The following KEL variants were observed in gnomAD, a reference collection of about 807,000 sequenced individuals.
KEL encodes kell blood group glycoprotein.
Under a neutral mutation model 99.5 loss-of-function variants are expected in KEL, and 96 were observed. The observed-to-expected ratio is 0.97, with a 90% CI of 0.82 to 1.14. The LOEUF (loss-of-function observed/expected upper bound fraction) is 1.14, where lower values mean the gene tolerates loss of function less well. Ranked by LOEUF, KEL falls within the 50% of genes most tolerant of loss-of-function variation. KEL has a pLI of 0.00. For synonymous variants in KEL, 355 were observed against 354.8 expected (o/e 1.00, Z -0.01); for missense variants, 926 against 924.2 (o/e 1.00, Z -0.03).
At chr7:142,960,259 A>G (rs560412421) in intron 4 of KEL, among the ~76,000 whole-genome samples, 2 of 152,092 alleles carry the variant, frequency 1.3e-5, no homozygotes, top group Non-Finnish European at 2.9e-5. Flanking sequence ...TACCCCTTTC[A>G]TTCCACCATC....
At position 142,941,161 on chromosome 7, in the gene KEL, A is replaced by G; in HGVS notation, c.*91T>C. On this transcript the variant is annotated 3_prime_UTR_variant, in exon 19 of 19. Transcript: ENST00000355265. ...GTGCCAGCTTTTATTTTTGGAACAGAAGCAGAAAGGAAATCTTGCTCTGAT... is the reference window on the plus strand; with the variant it reads ...GTGCCAGCTTTTATTTTTGGAACAGGAGCAGAAAGGAAATCTTGCTCTGAT... The G allele has an allele frequency of 7.0e-7, 1 of 1,425,866 alleles. No individual in the cohort carries two copies. The highest frequency in any genetic ancestry group is 1.2e-5 in the South Asian group (1 of 86,748). 88.3% of individuals were successfully genotyped at this position (1,425,866 alleles called of 1,614,324 possible). A position where few individuals can be genotyped will look rare whatever the true frequency, so the allele number is the denominator to read the frequency against.
chr7:142,946,463 A>G, intron 10 of KEL, 146 bp from the exon 11 acceptor site: 1 of 701,764 alleles, frequency 1.4e-6, no homozygotes, highest in East Asian at 2.7e-5. Context: ...CCTTAGGGTG[A>G]TGCACATCAC....
In KEL at chr7:142,941,425, G is replaced by C. The variant is rs764414070; in HGVS notation, c.2038-12C>G. 7.6e-6 allele frequency: 12 copies of C among 1,578,368 alleles called. No homozygotes were observed. The highest frequency in any genetic ancestry group is 1.0e-5 in the Non-Finnish European group (12 of 1,159,048). ...TTCCTACACATCACCTGAGCAGGAA[G>C]AGAGGTCATTGAAGGGGGAGGGTCC... On this transcript the variant is annotated splice_polypyrimidine_tract_variant and intron_variant, in intron 18 of 18. Coordinates refer to ENST00000355265, the MANE Select transcript of KEL (RefSeq NM_000420.3).
chr7:142,961,258 C>T, intron 3 of KEL, 102 bp downstream of exon 3: 1 of 1,572,670 alleles, frequency 6.4e-7, no homozygotes, highest in Non-Finnish European at 8.7e-7. Context: ...CATGGGGACC[C>T]CAAGGGTCAG....
chr7:142,954,300 C>T lies in KEL; in HGVS notation c.808G>A (p.Glu270Lys). 1.2e-6 allele frequency: 2 copies of T among 1,614,066 alleles called. No homozygotes were observed. Among genetic ancestry groups the T allele is most frequent in the Non-Finnish European group, 1.7e-6 (2 of 1,179,980 alleles). ...ATGGAGATTGACAAGGAAGAGTGTT[C>T]TTGCACCTTGCTTGGGTCTCCTCCC... Reference protein sequence around the residue: ...LLGGDPSKVQEHSSLSISITS... With the variant: ...LLGGDPSKVQKHSSLSISITS... Residue 270 changes from glutamate to lysine, a missense_variant, in exon 8 of 19, where the codon GAA becomes AAA. Coordinates refer to ENST00000355265, the MANE Select transcript of KEL (RefSeq NM_000420.3).
rs376403037 is a variant in KEL at position 142,941,217 on chromosome 7, G to A, written c.*35C>T. On this transcript the variant is annotated 3_prime_UTR_variant, in exon 19 of 19. Coordinates refer to ENST00000355265, the MANE Select transcript of KEL (RefSeq NM_000420.3). ...GGATGTGACCAGGGAGGTGTTGGTC[G>A]ATATTTCTGTGCTGTGGCATCTTTG... The A allele has an allele frequency of 5.3e-5, 86 of 1,611,028 alleles. No individual in the cohort carries two copies. Among genetic ancestry groups the A allele is most frequent in the Non-Finnish European group, 6.8e-5 (80 of 1,177,362 alleles).
chr7:142,961,624 A>G, intron 2 of KEL, 123 bp from the exon 3 acceptor site: 2 of 1,379,708 alleles, frequency 1.4e-6, no homozygotes, highest in South Asian at 2.3e-5. Context: ...AATTATCCCA[A>G]TTCTTCCTAA....
intron 10 of KEL, among the ~76,000 whole-genome samples, chr7:142,946,970 G>A (rs1345304467): frequency 1.3e-5 from 2 of 152,202 alleles, no homozygotes; most frequent in African/African-American, 2.4e-5. Context: ...CAGGAAGGTG[G>A]AGGGCTTTCA....
rs1217126682 is a variant in KEL at position 142,954,156 on chromosome 7, C to T, written c.924+28G>A. On this transcript the variant is annotated intron_variant, in intron 8 of 18. Coordinates refer to ENST00000355265, the MANE Select transcript of KEL (RefSeq NM_000420.3). ...TTTGAGAGGAAGATCCCCATGCCCA[C>T]AGTCTTCTGGCCCCCAGTTCCAGGC... 3.1e-6 allele frequency: 5 copies of T among 1,600,946 alleles called. No individual in the cohort carries two copies. In the East Asian group the frequency reaches 8.9e-5, roughly 29 times the overall value.
chr7:142,953,164 C>A (rs2116667492), intron 9 of KEL, among the ~76,000 whole-genome samples: 1 of 152,260 alleles, frequency 6.6e-6, no homozygotes, highest in South Asian at 2.1e-4. Context: ...TGGAAGAAAG[C>A]CACTGCTTTC....
chr7:142,954,103 C>T (rs1796761738), intron 8 of KEL, 81 bp downstream of exon 8: 1 of 1,470,108 alleles, frequency 6.8e-7, no homozygotes, highest in Non-Finnish European at 9.4e-7. Flanking sequence ...ATTAAGGGCA[C>T]TAGGAGGAAG....
Position 142,957,917 on chromosome 7 carries a change from CA to C in KEL, c.581del (p.Leu194ArgfsTer4). ...KWTSLNFNRT[L>X]RLLMSQYGHF... ...GGCCATACTGACTCATCAGAAGTCT[CA>C]GCGTTCGGTTAAAGTTTAAGGAAGT... On this transcript the variant is annotated frameshift_variant, in exon 6 of 19. Transcript: ENST00000355265. LOFTEE classifies it high-confidence loss of function. 1.9e-6 allele frequency: 3 copies of C among 1,614,116 alleles called. No homozygotes were observed. Among genetic ancestry groups the C allele is most frequent in the Non-Finnish European group, 2.5e-6 (3 of 1,180,032 alleles).
At chr7:142,944,227 C>G (rs1382152680) in intron 13 of KEL, 96 bp downstream of exon 13, 2 of 1,025,462 alleles carry the variant, frequency 2.0e-6, no homozygotes, top group Non-Finnish European at 3.1e-6. Flanking sequence ...GCTAAGTCAC[C>G]CAGGGAAAAC....
chr7:142,962,067 C>T (rs757565468), intron 1 of KEL, 137 bp downstream of exon 1: 1 of 1,611,566 alleles, frequency 6.2e-7, no homozygotes, highest in Non-Finnish European at 8.5e-7. Context: ...CTCGATCCCT[C>T]TCCCATTACC....
At chr7:142,958,842 G>T (rs935523212) in intron 4 of KEL, among the ~76,000 whole-genome samples, 10 of 152,076 alleles carry the variant, frequency 6.6e-5, no homozygotes, top group African/African-American at 2.4e-4. Context: ...AAGAACTTCG[G>T]TCTCCGCAAT....
intron 4 of KEL, 67 bp downstream of exon 4, chr7:142,960,861 A>C: frequency 1.4e-6 from 2 of 1,449,254 alleles, no homozygotes; most frequent in Non-Finnish European, 1.9e-6. Context: ...GGTTTGGAGC[A>C]GTCATGGTCA....
intron 10 of KEL, among the ~76,000 whole-genome samples, chr7:142,949,893 A>G (rs1182674637): frequency 6.6e-6 from 1 of 152,242 alleles, no homozygotes; most frequent in Non-Finnish European, 1.5e-5. Flanking sequence ...AGTTTCATAA[A>G]AGAAAACCTG....
chr7:142,949,165 C>A (rs1430507343), intron 10 of KEL, among the ~76,000 whole-genome samples: 1 of 152,176 alleles, frequency 6.6e-6, no homozygotes, highest in Non-Finnish European at 1.5e-5. Flanking sequence ...AATATCTAGT[C>A]TACCTTCCTC....
intron 9 of KEL, among the ~76,000 whole-genome samples, chr7:142,953,128 G>A (rs986790918): frequency 1.3e-5 from 2 of 152,162 alleles, no homozygotes; most frequent in Non-Finnish European, 2.9e-5. Context: ...CTGCCACCAT[G>A]AAGAAGGCCC....
Sources: gnomAD v4.1 joint callset for allele counts (sites outside exome capture counted in the v4.1 genomes callset) on GRCh38, gnomAD v4.1.1 for gene constraint, MANE v1.5 for transcripts, NCBI Gene and HGNC (gene_info 2026-07-23, HGNC 2026-07-21) for gene names.